Variants in CNTN6 observed in about 807,000 individuals in gnomAD.
CNTN6 encodes contactin-6.
Under a neutral mutation model 122.8 loss-of-function variants are expected in CNTN6, and 137 were observed. That is an observed-to-expected ratio of 1.12 (90% CI 0.97 to 1.29). CNTN6 has a LOEUF of 1.29. CNTN6 is among the 50% of genes most tolerant of loss of function. CNTN6 has a pLI of 0.00. For synonymous variants in CNTN6, 570 were observed against 426.0 expected (o/e 1.34, Z -4.16); for missense variants, 1,634 against 1,223.4 (o/e 1.34, Z -5.01).
chr3:1,243,089 A>C (rs929841335), intron 4 of CNTN6, among the ~76,000 whole-genome samples: 3 of 152,198 alleles, frequency 2.0e-5, no homozygotes, highest in African/African-American at 4.8e-5. Flanking sequence ...TAAGCCGAGA[A>C]GATCTGGGAA....
At chr3:1,186,579 G>A (rs942385911) in intron 2 of CNTN6, among the ~76,000 whole-genome samples, 1 of 152,170 alleles carries the variant, frequency 6.6e-6, no homozygotes, top group African/African-American at 2.4e-5. Context: ...TTTCCTGGGA[G>A]TTAGGGCTCT....
At chr3:1,294,243 A>G (rs1695820556) in intron 5 of CNTN6, among the ~76,000 whole-genome samples, 1 of 152,230 alleles carries the variant, frequency 6.6e-6, no homozygotes, top group Admixed American at 6.5e-5. Context: ...TGGTATATTC[A>G]TAAAATGAAA....
At chr3:1,381,970 G>GA (rs5846112) in intron 17 of CNTN6, among the ~76,000 whole-genome samples, 152,174 of 152,178 alleles carry the variant, frequency 1, 76,085 homozygotes, top group Middle Eastern at 1. Context: ...CAAGTGGCAA[G>GA]TAGATAGTGT....
At chr3:1,371,965 A>G (rs1442037371) in intron 12 of CNTN6, among the ~76,000 whole-genome samples, 1 of 152,158 alleles carries the variant, frequency 6.6e-6, no homozygotes, top group Non-Finnish European at 1.5e-5. Context: ...TGTCAATTGT[A>G]ATGTTATGAC....
At chr3:1,388,260 C>T (rs1410635789) in intron 20 of CNTN6, among the ~76,000 whole-genome samples, 1 of 149,058 alleles carries the variant, frequency 6.7e-6, no homozygotes, top group Admixed American at 6.8e-5. Flanking sequence ...GACCCCTGAC[C>T]CCCGAGCAGC....
At chr3:1,354,368 CAAA>C (rs71056334) in intron 12 of CNTN6, among the ~76,000 whole-genome samples, 1 of 121,632 alleles carries the variant, frequency 8.2e-6, no homozygotes. Context: ...GCTCAGTTAA[CAAA>C]AAAAAAAAAA....
chr3:1,130,673 C>T (rs962183527), intron 1 of CNTN6, among the ~76,000 whole-genome samples: 2 of 152,102 alleles, frequency 1.3e-5, no homozygotes, highest in African/African-American at 4.8e-5. Flanking sequence ...CCCAACTAAA[C>T]TTGCATTCAA....
rs1190098105 is a variant in CNTN6 at position 1,385,681 on chromosome 3, C to G, written c.2588C>G (p.Thr863Ser). Residue 863 changes from threonine (T) to serine (S), a missense_variant, in exon 20 of 23, where the codon ACC becomes AGC. Coordinates refer to ENST00000446702, the MANE Select transcript of CNTN6 (RefSeq NM_001289080.2). ...ATTAGAGTCAGTGGAAATGTCACAA[C>G]CAAAAACATCACGGGGCTGAAAGCT... Reference protein sequence around the residue: ...GKIRVSGNVTTKNITGLKANT... With the variant: ...GKIRVSGNVTSKNITGLKANT... 4 of 1,613,876 alleles carry G rather than the reference C, an allele frequency of 2.5e-6. No individual in the cohort carries two copies. The highest frequency in any genetic ancestry group is 3.3e-5 in the Admixed American group (2 of 59,988).
At chr3:1,262,800 T>C (rs564727554) in intron 4 of CNTN6, among the ~76,000 whole-genome samples, 1 of 152,130 alleles carries the variant, frequency 6.6e-6, no homozygotes, top group Non-Finnish European at 1.5e-5. Flanking sequence ...AAAATATATG[T>C]AATAATAATA....
chr3:1,343,914 C>G (rs892210110), intron 11 of CNTN6, among the ~76,000 whole-genome samples: 14 of 152,192 alleles, frequency 9.2e-5, no homozygotes, highest in South Asian at 4.1e-4. Context: ...CCTGTATCAC[C>G]TGCCTCAAAC....
chr3:1,135,024 G>A (rs774524184), intron 1 of CNTN6, among the ~76,000 whole-genome samples: 1 of 151,980 alleles, frequency 6.6e-6, no homozygotes, highest in Non-Finnish European at 1.5e-5. Flanking sequence ...GGACCCCCAT[G>A]CCCCATAGCA....
At chr3:1,233,983 C>T (rs911000446) in intron 4 of CNTN6, among the ~76,000 whole-genome samples, 1 of 152,018 alleles carries the variant, frequency 6.6e-6, no homozygotes, top group Non-Finnish European at 1.5e-5. Flanking sequence ...GGGCTATAAA[C>T]ATGTAGGCAT....
intron 7 of CNTN6, among the ~76,000 whole-genome samples, chr3:1,303,881 T>C (rs1054024983): frequency 2.6e-5 from 4 of 152,190 alleles, no homozygotes; most frequent in African/African-American, 9.7e-5. Context: ...ACTACTAAAA[T>C]GAAATCCCCA....
chr3:1,386,860 A>T (rs143124519), intron 20 of CNTN6, among the ~76,000 whole-genome samples: 2 of 152,066 alleles, frequency 1.3e-5, no homozygotes, highest in Non-Finnish European at 2.9e-5. Context: ...GATGGTTAAG[A>T]AGAGTTTGAA....
intron 4 of CNTN6, among the ~76,000 whole-genome samples, chr3:1,235,614 C>CTT (rs766482947): frequency 1.1e-4 from 17 of 152,140 alleles, no homozygotes; most frequent in Non-Finnish European, 2.4e-4. Context: ...CTTGCAGCTC[C>CTT]TGCTGGGAGG....
In CNTN6 at chr3:1,300,570, A is replaced by T. The variant is rs953302966; in HGVS notation, c.761+2579A>T. Among the ~76,000 whole-genome samples, 4 of 53,206 alleles carry T rather than the reference A, an allele frequency of 7.5e-5. No homozygotes were observed. The Admixed American group carries it at 7.6e-4, about 10-fold the overall frequency. 34.9% of individuals were successfully genotyped at this position (53,206 alleles called of 152,430 possible). A position where few individuals can be genotyped will look rare whatever the true frequency, so the allele number is the denominator to read the frequency against. ...GAAAGAGAAAGAAAAAGAAAGAAAG[A>T]AAGAAAGAAAGAAAGAAAGAAAGAA... is the stretch of plus-strand genomic sequence containing the variant. On this transcript the variant is annotated intron_variant, in intron 7 of 22. Transcript: ENST00000446702.
At chr3:1,364,526 C>A (rs1293669613) in intron 12 of CNTN6, among the ~76,000 whole-genome samples, 32 of 151,120 alleles carry the variant, frequency 2.1e-4, no homozygotes, top group African/African-American at 7.5e-4. Flanking sequence ...ACAAAACAAA[C>A]AAACAATATT....
chr3:1,238,743 T>C (rs1269389307), intron 4 of CNTN6, among the ~76,000 whole-genome samples: 2 of 152,126 alleles, frequency 1.3e-5, no homozygotes, highest in African/African-American at 4.8e-5. Flanking sequence ...TCAAGTACTC[T>C]CTCAGACCAC....
At position 1,385,605 on chromosome 3, in the gene CNTN6, T is replaced by G. The variant is rs745777370; in HGVS notation, c.2518-6T>G. Reference sequence around the variant, plus strand: ...TAAATTGCTTGTTTTGGTTTTTAATTATCAGGTCTTATACTGGACAGATGA... The same window carrying G: ...TAAATTGCTTGTTTTGGTTTTTAATGATCAGGTCTTATACTGGACAGATGA... On this transcript the variant is annotated splice_region_variant and splice_polypyrimidine_tract_variant and intron_variant, in intron 19 of 22. Coordinates refer to ENST00000446702, the MANE Select transcript of CNTN6 (RefSeq NM_001289080.2). 3 of 1,578,268 alleles carry G rather than the reference T, an allele frequency of 1.9e-6. No individual in the cohort carries two copies. Among genetic ancestry groups the G allele is most frequent in the East Asian group, 4.5e-5 (2 of 44,072 alleles).
Sources: gnomAD v4.1 joint callset for allele counts (sites outside exome capture counted in the v4.1 genomes callset) on GRCh38, gnomAD v4.1.1 for gene constraint, MANE v1.5 for transcripts, NCBI Gene and HGNC (gene_info 2026-07-23, HGNC 2026-07-21) for gene names.